Variants in CALU observed in about 807,000 individuals in gnomAD.
CALU encodes calumenin.
A neutral mutation model predicts 37.5 loss-of-function variants in CALU; 13 were observed. The observed-to-expected ratio is 0.35, with a 90% CI of 0.23 to 0.55. CALU has a LOEUF of 0.55. Ranked by LOEUF, CALU falls within the 20% of genes least tolerant of loss-of-function variation. The pLI is 0.89. For synonymous variants in CALU, 114 were observed against 133.8 expected, an observed-to-expected ratio of 0.85 and a Z score of 1.02; for missense variants, 282 against 391.7, an observed-to-expected ratio of 0.72 and a Z score of 2.36.
At chr7:128,751,630 G>A (rs1456001420) in intron 2 of CALU, among the ~76,000 whole-genome samples, 1 of 152,200 alleles carries the variant, frequency 6.6e-6, no homozygotes. Flanking sequence ...AGGAGGTTGA[G>A]ATGAGAGGAT....
At chr7:128,753,508 TATA>T (rs1488660372) in intron 2 of CALU, among the ~76,000 whole-genome samples, 1 of 152,276 alleles carries the variant, frequency 6.6e-6, no homozygotes, top group Non-Finnish European at 1.5e-5. Context: ...GGTTTTGCTT[TATA>T]ATCTACATAC....
At chr7:128,765,678 AT>A (rs1228573890) in intron 5 of CALU, among the ~76,000 whole-genome samples, 1 of 152,224 alleles carries the variant, frequency 6.6e-6, no homozygotes, top group African/African-American at 2.4e-5. Flanking sequence ...ACAAAATAAC[AT>A]TTATTACAGA....
At chr7:128,745,331 G>A (rs1260193718) in intron 1 of CALU, among the ~76,000 whole-genome samples, 3 of 152,070 alleles carry the variant, frequency 2.0e-5, no homozygotes, top group East Asian at 3.9e-4. Context: ...AGAATTATTT[G>A]TTTATAGGCT....
At chr7:128,756,273 C>T (rs915313656) in intron 3 of CALU, among the ~76,000 whole-genome samples, 1 of 152,190 alleles carries the variant, frequency 6.6e-6, no homozygotes, top group Non-Finnish European at 1.5e-5. Flanking sequence ...TCACTTGCTG[C>T]CCAGAATGAT....
intron 5 of CALU, among the ~76,000 whole-genome samples, 177 bp downstream of exon 5, chr7:128,760,029 C>G (rs1355743786): frequency 6.6e-6 from 1 of 152,186 alleles, no homozygotes; most frequent in African/African-American, 2.4e-5. Context: ...AACCCCGTCT[C>G]TACTAAAAAT....
chr7:128,769,098 G>A lies in CALU; in HGVS notation c.879G>A (p.Lys293=), dbSNP rs1801457065. Residue 293 remains lysine (K), a synonymous_variant, in exon 7 of 7, where the codon AAG becomes AAA. Coordinates refer to ENST00000249364, the MANE Select transcript of CALU (RefSeq NM_001219.5). The part of the protein sequence containing the change: ...GKLTKEEIVD[K]YDLFVGSQAT... ...TTACCAAGGAGGAGATCGTTGACAA[G>A]TATGACTTATTTGTTGGCAGCCAGG... The A allele has an allele frequency of 1.2e-6, 2 of 1,613,140 alleles. No homozygotes were observed. Among genetic ancestry groups the A allele is most frequent in the South Asian group, 1.1e-5 (1 of 91,062 alleles).
Position 128,758,849 on chromosome 7 carries a change from G to T in CALU, c.416-22G>T. On this transcript the variant is annotated intron_variant, in intron 3 of 6. Transcript: ENST00000249364. The stretch of plus-strand genomic sequence containing the variant: ...GTTTTCTGAAAGTCTTTTAAGATTT[G>T]ACCTAAATTTTTGTTTTCTAGATGA... 1.9e-6 allele frequency: 3 copies of T among 1,560,938 alleles called. No individual in the cohort carries two copies. The South Asian group carries it at 3.5e-5, about 18-fold the overall frequency.
chr7:128,746,612 C>G (rs1800450100), intron 1 of CALU, among the ~76,000 whole-genome samples: 2 of 152,122 alleles, frequency 1.3e-5, no homozygotes, highest in African/African-American at 4.8e-5. Context: ...TGCCACCATG[C>G]CCAGCTAATT....
intron 5 of CALU, among the ~76,000 whole-genome samples, chr7:128,765,436 A>C (rs992947420): frequency 6.6e-6 from 1 of 152,176 alleles, no homozygotes; most frequent in East Asian, 1.9e-4. Context: ...GGCTGATCTC[A>C]AACTCACAAG....
chr7:128,759,119 AGCATATCTTATATAT>A, intron 4 of CALU, 82 bp downstream of exon 4: 1 of 1,007,998 alleles, frequency 9.9e-7, no homozygotes, highest in Non-Finnish European at 1.5e-6. Context: ...AGCCTTATAT[AGCATATCTTATATAT>A]ATATATGCTA....
intron 5 of CALU, among the ~76,000 whole-genome samples, chr7:128,765,179 T>C (rs1261914257): frequency 6.6e-6 from 1 of 152,166 alleles, no homozygotes; most frequent in African/African-American, 2.4e-5. Context: ...CCTCCCAAAG[T>C]GCTGGGATTA....
At chr7:128,753,088 A>C (rs1280275575) in intron 2 of CALU, among the ~76,000 whole-genome samples, 1 of 152,280 alleles carries the variant, frequency 6.6e-6, no homozygotes, top group Non-Finnish European at 1.5e-5. Flanking sequence ...GGATTTAAGT[A>C]ATAGTTGTAT....
chr7:128,767,905 AG>A (rs1801397224), intron 6 of CALU, among the ~76,000 whole-genome samples: 1 of 152,210 alleles, frequency 6.6e-6, no homozygotes, highest in African/African-American at 2.4e-5. Context: ...CTTTGTGTGT[AG>A]CCTGTGCCCA....
intron 1 of CALU, among the ~76,000 whole-genome samples, chr7:128,746,447 C>T (rs1170874246): frequency 6.6e-6 from 1 of 151,670 alleles, no homozygotes; most frequent in East Asian, 1.9e-4. Flanking sequence ...CATGAGCCAC[C>T]ATGCCTGGCT....
chr7:128,765,359 T>G (rs1199563099), intron 5 of CALU, among the ~76,000 whole-genome samples: 1 of 152,220 alleles, frequency 6.6e-6, no homozygotes, highest in Non-Finnish European at 1.5e-5. Flanking sequence ...TAGCTGGGAC[T>G]GTAGGTGCAT....
At chr7:128,746,253 G>T (rs1800431700) in intron 1 of CALU, among the ~76,000 whole-genome samples, 2 of 152,002 alleles carry the variant, frequency 1.3e-5, no homozygotes, top group South Asian at 4.1e-4. Context: ...TGCCTCCCGG[G>T]TTCCAGTACT....
At chr7:128,752,980 G>A (rs552615169) in intron 2 of CALU, among the ~76,000 whole-genome samples, 13 of 152,314 alleles carry the variant, frequency 8.5e-5, no homozygotes, top group African/African-American at 3.1e-4. Context: ...GTGAGCCACC[G>A]TACCAGGCCA....
chr7:128,758,559 C>A (rs1220168644), intron 3 of CALU, among the ~76,000 whole-genome samples: 1 of 152,184 alleles, frequency 6.6e-6, no homozygotes, highest in Non-Finnish European at 1.5e-5. Flanking sequence ...GACTTGAGAG[C>A]CACCACTGCC....
intron 2 of CALU, among the ~76,000 whole-genome samples, chr7:128,752,559 A>T (rs1389321844): frequency 6.6e-6 from 1 of 152,256 alleles, no homozygotes; most frequent in Non-Finnish European, 1.5e-5. Context: ...TCCATTATAA[A>T]TAATGTAGAA....
Sources: allele counts gnomAD v4.1 joint callset (sites outside exome capture counted in the v4.1 genomes callset), GRCh38; gene constraint gnomAD v4.1.1; transcripts MANE v1.5; gene names NCBI Gene and HGNC (gene_info 2026-07-23, HGNC 2026-07-21).